TJP2: variants seen among roughly 807,000 people sequenced by gnomAD.
TJP2 encodes the protein tight junction protein 2.
TJP2 carries 91 observed loss-of-function variants against 133.1 expected under a neutral mutation model. That is an observed-to-expected ratio of 0.68 (90% CI 0.58 to 0.81). The LOEUF (loss-of-function observed/expected upper bound fraction) is 0.81, where lower values mean the gene tolerates loss of function less well. Among genes scored for constraint, TJP2 ranks in the 40% least tolerant of loss-of-function variants. TJP2 has a pLI of 0.00. For synonymous variants in TJP2, 592 were observed against 583.4 expected (o/e 1.01, Z -0.21); for missense variants, 1,541 against 1,565.6 (o/e 0.98, Z 0.26).
At chr9:69,207,793 C>T (rs1737588106) in intron 1 of TJP2, among the ~76,000 whole-genome samples, 1 of 152,228 alleles carries the variant, frequency 6.6e-6, no homozygotes, top group Admixed American at 6.5e-5. Context: ...GTCAGGACCA[C>T]AGCTCTCAGC....
chr9:69,174,259 G>T, upstream of TJP2: 5 of 1,526,074 alleles, frequency 3.3e-6, no homozygotes, highest in Non-Finnish European at 4.4e-6. Context: ...CGGCACCCCG[G>T]CGGTTGGGCT....
chr9:69,202,098 A>G lies in TJP2; in HGVS notation c.61-10450A>G, dbSNP rs73450843. Among the ~76,000 whole-genome samples, 758 of 152,300 alleles carry G rather than the reference A, an allele frequency of 5.0e-3. 12 individuals carry two copies. The highest frequency in any genetic ancestry group is 0.018 in the African/African-American group (731 of 41,556). ...ACTCCTGTAACTGGGAAGTTTATAA[A>G]AAACAGAAATTTATTTGCCCACAGT... is the stretch of plus-strand genomic sequence containing the variant. On this transcript the variant is annotated intron_variant, in intron 1 of 22. Transcript: ENST00000377245.
chr9:69,169,354 CTT>C (rs59465317), upstream of TJP2, among the ~76,000 whole-genome samples: 432 of 120,464 alleles, frequency 3.6e-3, 1 homozygote, highest in Admixed American at 6.3e-3. Context: ...AAACTTTTCT[CTT>C]TTTTTTTTTT....
intron 1 of TJP2, among the ~76,000 whole-genome samples, chr9:69,197,623 C>G (rs538803861): frequency 2.0e-5 from 3 of 151,722 alleles, no homozygotes; most frequent in Admixed American, 2.0e-4. Context: ...GATGGAAAAC[C>G]CTTATCAAGA....
At chr9:69,213,428 G>A (rs901565382) in intron 2 of TJP2, among the ~76,000 whole-genome samples, 1 of 152,044 alleles carries the variant, frequency 6.6e-6, no homozygotes, top group East Asian at 1.9e-4. Flanking sequence ...TGGTTTTTCT[G>A]CAGGGTTTCT....
chr9:69,219,418 C>T (rs914266225), intron 4 of TJP2, among the ~76,000 whole-genome samples: 1 of 152,144 alleles, frequency 6.6e-6, no homozygotes, highest in Non-Finnish European at 1.5e-5. Context: ...TATAAACACT[C>T]ATGTCTTTCT....
chr9:69,136,616 C>A (rs948731798), intron 1 of TJP2, among the ~76,000 whole-genome samples: 1 of 152,054 alleles, frequency 6.6e-6, no homozygotes, highest in African/African-American at 2.4e-5. Flanking sequence ...AAAGACTTTG[C>A]GGTGTTTCTG....
chr9:69,200,608 A>C (rs72709068), intron 1 of TJP2, among the ~76,000 whole-genome samples: 35 of 152,256 alleles, frequency 2.3e-4, no homozygotes, highest in Non-Finnish European at 2.6e-4. Flanking sequence ...TGCCTAGCCC[A>C]GTCTTGAACT....
chr9:69,144,025 CAG>C (rs1262482230), intron 1 of TJP2, among the ~76,000 whole-genome samples: 1 of 151,970 alleles, frequency 6.6e-6, no homozygotes, highest in African/African-American at 2.4e-5. Flanking sequence ...TTTTTTGAGA[CAG>C]AGTCTCTCTC....
upstream of TJP2, among the ~76,000 whole-genome samples, chr9:69,169,597 T>A (rs1408722508): frequency 6.6e-6 from 1 of 152,192 alleles, no homozygotes; most frequent in Non-Finnish European, 1.5e-5. Context: ...TGATCTCAGT[T>A]GATCCATCCG....
At chr9:69,123,123 A>G (rs1564363100) in intron 1 of TJP2, among the ~76,000 whole-genome samples, 1 of 152,082 alleles carries the variant, frequency 6.6e-6, no homozygotes, top group Non-Finnish European at 1.5e-5. Context: ...GGTATGTTGG[A>G]GTGAAGTTTT....
intron 20 of TJP2, among the ~76,000 whole-genome samples, chr9:69,250,501 A>T (rs2133485838): frequency 6.6e-6 from 1 of 152,362 alleles, no homozygotes; most frequent in Middle Eastern, 3.4e-3. Context: ...AAGTGACCTC[A>T]TAAAATACAT....
In TJP2 at chr9:69,214,130, G is replaced by A. The variant is rs143310096; in HGVS notation, c.114+1529G>A. On this transcript the variant is annotated intron_variant, in intron 2 of 22. Transcript: ENST00000377245. ...AAATGGAGTCTCATTCAGTTGCCCA[G>A]GCTGGAGTGTAATTGCATGATCTCA... 5.6e-3 allele frequency among the ~76,000 whole-genome samples: 855 copies of A among 152,284 alleles called. 8 individuals carry two copies. The highest frequency in any genetic ancestry group is 0.015 in the African/African-American group (619 of 41,552).
intron 1 of TJP2, among the ~76,000 whole-genome samples, chr9:69,175,302 T>TG (rs1197826916): frequency 6.6e-6 from 1 of 152,198 alleles, no homozygotes; most frequent in African/African-American, 2.4e-5. Flanking sequence ...GAAACTGCCT[T>TG]GCGCTTCTCA....
rs1261936856 is a variant in TJP2 at position 69,123,873 on chromosome 9, A to AT, written c.-131+2151dup. 6.1e-4 allele frequency among the ~76,000 whole-genome samples: 45 copies of AT among 74,022 alleles called. 16 individuals carry two copies. The highest frequency in any genetic ancestry group is 1.9e-3 in the African/African-American group (45 of 24,080). The allele number at this position is 74,022 out of a possible 152,430, so 48.6% of individuals were successfully genotyped here. A position where few individuals can be genotyped will look rare whatever the true frequency, so the allele number is the denominator to read the frequency against. On this transcript the variant is annotated intron_variant, in intron 1 of 5. Coordinates refer to the TJP2 transcript ENST00000423935. ...TTTTTTAATTATTTTATTTTATTTT[A>AT]TTTATTTATTTTGAGACGGAGTCTC...
chr9:69,239,865 A>G, intron 16 of TJP2, 72 bp from the exon 17 acceptor site: 1 of 1,227,548 alleles, frequency 8.1e-7, no homozygotes, highest in Non-Finnish European at 1.2e-6. Flanking sequence ...GCCTTTACTT[A>G]TTAAAACAAA....
chr9:69,199,665 G>A (rs148147808), intron 1 of TJP2, among the ~76,000 whole-genome samples: 7 of 152,336 alleles, frequency 4.6e-5, no homozygotes, highest in African/African-American at 1.7e-4. Flanking sequence ...TGAGAACCTG[G>A]CTGATTTCAT....
intron 16 of TJP2, 113 bp from the exon 17 acceptor site, chr9:69,239,824 A>C (rs201203759): frequency 5.6e-5 from 7 of 124,582 alleles, no homozygotes; most frequent in South Asian, 4.7e-4. Context: ...AAATAAGTAA[A>C]CAAACAAACA....
chr9:69,225,436 T>A, intron 6 of TJP2, 29 bp downstream of exon 6: 1 of 1,448,252 alleles, frequency 6.9e-7, no homozygotes, highest in Non-Finnish European at 9.7e-7. Flanking sequence ...AGAACGGTAG[T>A]GTGCATACTG....
Sources: allele counts gnomAD v4.1 joint callset (sites outside exome capture counted in the v4.1 genomes callset), GRCh38; gene constraint gnomAD v4.1.1; transcripts MANE v1.5; gene names NCBI Gene and HGNC (gene_info 2026-07-23, HGNC 2026-07-21).